Variants in ZNF423 observed in about 807,000 individuals in gnomAD.
ZNF423 encodes Ebf-associated zinc finger protein.
ZNF423 carries 12 observed loss-of-function variants against 95.8 expected under a neutral mutation model. The observed-to-expected ratio is 0.13, with a 90% CI of 0.08 to 0.20. ZNF423 has a LOEUF of 0.20. Ranked by LOEUF, ZNF423 falls within the 10% of genes least tolerant of loss-of-function variation. The pLI is 1.00. For synonymous variants in ZNF423, 749 were observed against 711.9 expected (o/e 1.05, Z -0.83); for missense variants, 1,316 against 1,737.1 (o/e 0.76, Z 4.31).
rs112301509 is a variant in ZNF423 at position 49,685,726 on chromosome 16, C to G, written c.301+45045G>C. Among the ~76,000 whole-genome samples, 6 of 152,342 alleles carry G rather than the reference C, an allele frequency of 3.9e-5. 1 individual carries two copies. Among genetic ancestry groups the G allele is most frequent in the African/African-American group, 1.4e-4 (6 of 41,578 alleles). On this transcript the variant is annotated intron_variant, in intron 3 of 7. Coordinates refer to ENST00000563137, the MANE Select transcript of ZNF423 (RefSeq NM_001379286.1). ...CTGCAGCACCATCCTCTCCATGTCCCCACCTGCCCACGCCCGTCCTTGACA... is the reference window on the plus strand; with the variant it reads ...CTGCAGCACCATCCTCTCCATGTCCGCACCTGCCCACGCCCGTCCTTGACA...
intron 3 of ZNF423, among the ~76,000 whole-genome samples, chr16:49,730,205 A>G (rs533596364): frequency 6.6e-6 from 1 of 152,248 alleles, no homozygotes; most frequent in South Asian, 2.1e-4. Context: ...CACCCTCTCC[A>G]AGGCACCAAG....
intron 2 of ZNF423, among the ~76,000 whole-genome samples, chr16:49,745,679 C>G (rs2033507470): frequency 6.6e-6 from 1 of 152,194 alleles, no homozygotes; most frequent in Non-Finnish European, 1.5e-5. Context: ...CTGCCAGGAG[C>G]TTGTCACAAT....
At chr16:49,754,791 G>A (rs978079163) in intron 2 of ZNF423, among the ~76,000 whole-genome samples, 1 of 152,182 alleles carries the variant, frequency 6.6e-6, no homozygotes, top group Non-Finnish European at 1.5e-5. Flanking sequence ...GCCTGGGGTC[G>A]GAAGGAAAGA....
chr16:49,624,004 A>G (rs530175874), intron 5 of ZNF423, among the ~76,000 whole-genome samples: 176 of 152,226 alleles, frequency 1.2e-3, no homozygotes, highest in African/African-American at 4.0e-3. Context: ...ACTCTCATAC[A>G]CCACTGGTGG....
chr16:49,695,906 C>A (rs529999688), intron 3 of ZNF423, among the ~76,000 whole-genome samples: 3 of 152,350 alleles, frequency 2.0e-5, no homozygotes, highest in Admixed American at 6.5e-5. Context: ...TCCAATGCAT[C>A]CTCCCTACAA....
At position 49,696,656 on chromosome 16, in the gene ZNF423, C is replaced by T. The variant is rs540268180; in HGVS notation, c.301+34115G>A. ...GTGACGGCACCTACCCACCCCCACC[C>T]GGCTACCTCCCCCTCATTGTGCAGC... On this transcript the variant is annotated intron_variant, in intron 3 of 7. Coordinates refer to ENST00000563137, the MANE Select transcript of ZNF423 (RefSeq NM_001379286.1). Among the ~76,000 whole-genome samples the T allele has an allele frequency of 3.3e-5, 5 of 152,186 alleles. No individual in the cohort carries two copies. In the East Asian group the frequency reaches 5.8e-4, roughly 18 times the overall value.
chr16:49,617,675 T>C (rs376603028), intron 5 of ZNF423, among the ~76,000 whole-genome samples: 1 of 152,016 alleles, frequency 6.6e-6, no homozygotes, highest in Admixed American at 6.6e-5. Flanking sequence ...AAAATGCAAA[T>C]ACTTCCTGTT....
chr16:49,507,717 A>T (rs1278606528), intron 7 of ZNF423, among the ~76,000 whole-genome samples: 1 of 152,254 alleles, frequency 6.6e-6, no homozygotes, highest in Non-Finnish European at 1.5e-5. Context: ...AGTCTACAAA[A>T]TGGTGAGAGT....
chr16:49,781,717 C>T (rs2034216257), intron 2 of ZNF423, among the ~76,000 whole-genome samples: 1 of 152,212 alleles, frequency 6.6e-6, no homozygotes, highest in Non-Finnish European at 1.5e-5. Flanking sequence ...CAGCCAAAAC[C>T]TCGGGGCAAA....
intron 5 of ZNF423, among the ~76,000 whole-genome samples, chr16:49,556,415 C>CGCTGTGG (rs1361981604): frequency 2.6e-5 from 4 of 152,236 alleles, no homozygotes; most frequent in Non-Finnish European, 5.9e-5. Context: ...GCGTCTCTCA[C>CGCTGTGG]ATTGATTTGC....
intron 1 of ZNF423, among the ~76,000 whole-genome samples, chr16:49,841,422 A>G (rs554514442): frequency 6.6e-6 from 1 of 152,300 alleles, no homozygotes; most frequent in East Asian, 1.9e-4. Flanking sequence ...CTGGTAAAAA[A>G]GAAAGCCTAA....
At chr16:49,789,651 TA>T in intron 1 of ZNF423, 105 bp from the exon 2 acceptor site, 1 of 1,095,240 alleles carries the variant, frequency 9.1e-7, no homozygotes, top group South Asian at 1.7e-5. Context: ...GTCCTTATTA[TA>T]ATACCCATCA....
At chr16:49,678,174 C>G (rs938498198) in intron 3 of ZNF423, among the ~76,000 whole-genome samples, 1 of 151,972 alleles carries the variant, frequency 6.6e-6, no homozygotes, top group Admixed American at 6.5e-5. Context: ...CAGAGCAAGA[C>G]TCCATCTCAA....
At chr16:49,620,584 G>A (rs1243854189) in intron 5 of ZNF423, among the ~76,000 whole-genome samples, 1 of 152,142 alleles carries the variant, frequency 6.6e-6, no homozygotes, top group Non-Finnish European at 1.5e-5. Flanking sequence ...ACTTTCCAAG[G>A]ACAGCAAGGG....
chr16:49,652,123 G>C (rs931764399), intron 3 of ZNF423, among the ~76,000 whole-genome samples: 4 of 152,140 alleles, frequency 2.6e-5, no homozygotes, highest in African/African-American at 9.6e-5. Context: ...CATGGTGGAG[G>C]GGGTGGGGGA....
At chr16:49,716,063 C>T (rs1367291778) in intron 3 of ZNF423, among the ~76,000 whole-genome samples, 1 of 151,896 alleles carries the variant, frequency 6.6e-6, no homozygotes, top group African/African-American at 2.4e-5. Context: ...GTGGATTCAT[C>T]CCCAGGGCAG....
intron 2 of ZNF423, among the ~76,000 whole-genome samples, chr16:49,738,877 G>A (rs1567320829): frequency 6.6e-6 from 1 of 152,016 alleles, no homozygotes; most frequent in East Asian, 1.9e-4. Context: ...GCATATCCAG[G>A]GGTTACCAGA....
chr16:49,499,683 A>G (rs754865070), intron 7 of ZNF423, among the ~76,000 whole-genome samples: 1 of 152,148 alleles, frequency 6.6e-6, no homozygotes, highest in Non-Finnish European at 1.5e-5. Flanking sequence ...GACACAAAAG[A>G]CCAACGCAGG....
intron 3 of ZNF423, among the ~76,000 whole-genome samples, chr16:49,670,421 AC>A (rs2030754109): frequency 2.0e-5 from 3 of 151,996 alleles, no homozygotes; most frequent in Admixed American, 6.6e-5. Flanking sequence ...AAGGCCTCAG[AC>A]CCCCTCATGG....
Sources: allele counts gnomAD v4.1 joint callset (sites outside exome capture counted in the v4.1 genomes callset), GRCh38; gene constraint gnomAD v4.1.1; transcripts MANE v1.5; gene names NCBI Gene and HGNC (gene_info 2026-07-23, HGNC 2026-07-21).